Variants in MINDY4 observed in about 807,000 individuals in gnomAD.
The protein encoded by MINDY4 is MINDY lysine 48 deubiquitinase 4.
A neutral mutation model predicts 87.0 loss-of-function variants in MINDY4; 68 were observed. The ratio of observed to expected loss-of-function variants is 0.78; its 90% CI spans 0.64 to 0.96. The LOEUF is 0.96. Among genes scored for constraint, MINDY4 ranks in the 40% least tolerant of loss-of-function variants. The probability of loss-of-function intolerance (pLI) is 0.00; values close to 1 mark genes in which losing one functional copy is unlikely to be tolerated. For missense variants in MINDY4, 919 were observed against 928.2 expected (o/e 0.99, Z 0.13); for synonymous variants, 379 against 363.2 (o/e 1.04, Z -0.50).
chr7:30,776,967 A>ATTTCTTTTCTTTTCTTC (rs1554276884), intron 1 of MINDY4, among the ~76,000 whole-genome samples: 1 of 149,734 alleles, frequency 6.7e-6, no homozygotes, highest in Non-Finnish European at 1.5e-5. Context: ...CCCCAATGGT[A>ATTTCTTTTCTTTTCTTC]TTTCTTTTCT....
At chr7:30,854,508 C>T (rs531488109) in intron 12 of MINDY4, among the ~76,000 whole-genome samples, 83 of 151,990 alleles carry the variant, frequency 5.5e-4, no homozygotes, top group African/African-American at 1.7e-3. Context: ...ACCCCCACTA[C>T]GAAGCAGAGG....
intron 7 of MINDY4, among the ~76,000 whole-genome samples, chr7:30,838,690 C>G (rs1358634519): frequency 6.6e-6 from 1 of 152,130 alleles, no homozygotes; most frequent in Non-Finnish European, 1.5e-5. Flanking sequence ...CTCTCAAACC[C>G]GGCACACTGT....
At chr7:30,873,322 G>A (rs962063480) in intron 14 of MINDY4, among the ~76,000 whole-genome samples, 3 of 152,288 alleles carry the variant, frequency 2.0e-5, no homozygotes, top group African/African-American at 7.2e-5. Flanking sequence ...CCCAGGTGTG[G>A]GCAGTCAAGC....
intron 9 of MINDY4, among the ~76,000 whole-genome samples, chr7:30,843,775 A>T (rs1022349528): frequency 6.6e-6 from 1 of 152,082 alleles, no homozygotes; most frequent in Non-Finnish European, 1.5e-5. Flanking sequence ...CCAGGCAGGT[A>T]CCTCCTAGCT....
chr7:30,781,801 C>T (rs911296025), intron 2 of MINDY4, 176 bp from the exon 3 acceptor site: 55 of 581,268 alleles, frequency 9.5e-5, no homozygotes, highest in African/African-American at 1.7e-4. Flanking sequence ...TCTCTGTGTC[C>T]GTACCCAACA....
Position 30,862,703 on chromosome 7 carries a change from G to A in MINDY4, c.1745+3379G>A, listed in dbSNP as rs189876689. Reference sequence around the variant, plus strand: ...TTGTCCAGGGAAGCCCAGTGAGGTGGCAAGTCACAGGAAAGCACTCACTTC... The same window carrying A: ...TTGTCCAGGGAAGCCCAGTGAGGTGACAAGTCACAGGAAAGCACTCACTTC... On this transcript the variant is annotated intron_variant, in intron 13 of 17. Transcript: ENST00000265299. Among the ~76,000 whole-genome samples the A allele has an allele frequency of 2.6e-3, 393 of 152,272 alleles. 1 individual carries two copies. Among genetic ancestry groups the A allele is most frequent in the African/African-American group, 9.1e-3 (378 of 41,548 alleles).
chr7:30,882,052 A>G lies in MINDY4; in HGVS notation c.1972-129A>G, dbSNP rs1175032305. 23 of 934,160 alleles carry G rather than the reference A, an allele frequency of 2.5e-5. No homozygotes were observed. The East Asian group carries it at 5.7e-4, about 23-fold the overall frequency. 57.9% of individuals were successfully genotyped at this position (934,160 alleles called of 1,614,324 possible). A position where few individuals can be genotyped will look rare whatever the true frequency, so the allele number is the denominator to read the frequency against. On this transcript the variant is annotated intron_variant, in intron 15 of 17. Transcript: ENST00000265299. ...GGCCTGAGCAGCGTGAGGGGCTCCC[A>G]GCATCAGACACAAACGTGATCTTCA...
chr7:30,854,417 T>C (rs1482396594), intron 12 of MINDY4, among the ~76,000 whole-genome samples: 5 of 152,140 alleles, frequency 3.3e-5, no homozygotes. Context: ...GGGTTCCTTG[T>C]AGACATGTAG....
chr7:30,792,561 T>C (rs1437760049), intron 5 of MINDY4, among the ~76,000 whole-genome samples: 2 of 152,206 alleles, frequency 1.3e-5, no homozygotes, highest in Non-Finnish European at 2.9e-5. Flanking sequence ...AATTTCAACT[T>C]TCTTCTTGTG....
chr7:30,780,543 T>G (rs1786976841), intron 2 of MINDY4: 1 of 152,198 alleles, frequency 6.6e-6, no homozygotes, highest in Non-Finnish European at 1.5e-5. Flanking sequence ...GAGTGTATAT[T>G]TTACAGGAAA....
At chr7:30,783,654 G>A (rs1390827426) in intron 3 of MINDY4, among the ~76,000 whole-genome samples, 2 of 152,122 alleles carry the variant, frequency 1.3e-5, no homozygotes, top group South Asian at 2.1e-4. Flanking sequence ...AACTTCCCAC[G>A]CTTTGTGTTT....
intron 1 of MINDY4, among the ~76,000 whole-genome samples, chr7:30,777,648 A>G (rs941687057): frequency 6.6e-6 from 1 of 152,210 alleles, no homozygotes; most frequent in African/African-American, 2.4e-5. Flanking sequence ...AAGCCTGTGT[A>G]GCACTGGGGG....
At chr7:30,799,641 T>C (rs183625882) in intron 5 of MINDY4, among the ~76,000 whole-genome samples, 54 of 152,326 alleles carry the variant, frequency 3.5e-4, no homozygotes, top group African/African-American at 1.3e-3. Flanking sequence ...CTGGGAACTT[T>C]TTAGAAACAG....
intron 3 of MINDY4, among the ~76,000 whole-genome samples, 163 bp from the exon 4 acceptor site, chr7:30,785,586 T>G (rs1413208053): frequency 1.3e-5 from 2 of 152,190 alleles, no homozygotes. Flanking sequence ...TACCAGAGTA[T>G]TTTCTGTTCC....
In MINDY4 at chr7:30,824,739, AATTT is replaced by A. The variant is rs1448159101; in HGVS notation, c.1074-3931_1074-3928del. 5.9e-5 allele frequency among the ~76,000 whole-genome samples: 9 copies of A among 152,126 alleles called. No homozygotes were observed. In the East Asian group the frequency reaches 9.7e-4, roughly 16 times the overall value. ...CAGGTGCGTGACACCACGCTCAACT[AATTT>A]ATTTATTTTTTGTGGAGAGAGGGTC... On this transcript the variant is annotated intron_variant, in intron 5 of 17. Transcript: ENST00000265299.
At chr7:30,864,335 C>T (rs1211169884) in intron 13 of MINDY4, among the ~76,000 whole-genome samples, 2 of 152,196 alleles carry the variant, frequency 1.3e-5, no homozygotes, top group African/African-American at 2.4e-5. Flanking sequence ...GCAAATAGTC[C>T]TGAAACAAAA....
At chr7:30,773,285 C>T (rs1019019082) in intron 1 of MINDY4, among the ~76,000 whole-genome samples, 3 of 152,166 alleles carry the variant, frequency 2.0e-5, no homozygotes, top group Non-Finnish European at 2.9e-5. Flanking sequence ...CTCAGATCCT[C>T]GTAACAGTCC....
In MINDY4 at chr7:30,877,678, TTCTTC is replaced by T. The variant is rs1220873341; in HGVS notation, c.1971+2024_1971+2028del. Among the ~76,000 whole-genome samples the T allele has an allele frequency of 6.6e-4, 86 of 130,612 alleles. 1 individual carries two copies. Among genetic ancestry groups the T allele is most frequent in the African/African-American group, 2.7e-3 (73 of 27,032 alleles). 85.7% of individuals were successfully genotyped at this position (130,612 alleles called of 152,430 possible). A position where few individuals can be genotyped will look rare whatever the true frequency, so the allele number is the denominator to read the frequency against. On this transcript the variant is annotated intron_variant, in intron 15 of 17. Transcript: ENST00000265299. ...CCCTTCCCTCTTCTTCTTCTTCTTC[TTCTTC>T]TTTTTTTTTTTTTTTTGAGACAAGG...
At chr7:30,869,180 A>C (rs1790027931) in intron 13 of MINDY4, among the ~76,000 whole-genome samples, 1 of 152,178 alleles carries the variant, frequency 6.6e-6, no homozygotes, top group Non-Finnish European at 1.5e-5. Context: ...GACATGGAGG[A>C]GACAGCTGCT....
Sources: gnomAD v4.1 joint callset for allele counts (sites outside exome capture counted in the v4.1 genomes callset) on GRCh38, gnomAD v4.1.1 for gene constraint, MANE v1.5 for transcripts, NCBI Gene and HGNC (gene_info 2026-07-23, HGNC 2026-07-21) for gene names.